KLHL32: variants seen among roughly 807,000 people sequenced by gnomAD.
The protein encoded by KLHL32 is kelch like family member 32, also known as kelch-like protein 32.
In KLHL32, 35 loss-of-function variants were observed where a neutral mutation model predicts 64.8. The observed-to-expected ratio is 0.54, with a 90% CI of 0.41 to 0.72. KLHL32 has a LOEUF of 0.72. KLHL32 is among the 30% of genes least tolerant of loss of function. The pLI is 0.00. For missense variants in KLHL32, 589 were observed against 768.5 expected (o/e 0.77, Z 2.76); for synonymous variants, 259 against 281.0 (o/e 0.92, Z 0.78).
chr6:96,944,263 G>T (rs952129374), intron 1 of KLHL32, among the ~76,000 whole-genome samples: 1 of 152,134 alleles, frequency 6.6e-6, no homozygotes, highest in African/African-American at 2.4e-5. Flanking sequence ...AGAATAAAAG[G>T]CACTATCTAA....
At chr6:97,096,492 T>G (rs984386334) in intron 6 of KLHL32, among the ~76,000 whole-genome samples, 3 of 152,262 alleles carry the variant, frequency 2.0e-5, no homozygotes, top group Admixed American at 2.0e-4. Context: ...AGGATGTTAA[T>G]GCCAATAGTT....
intron 3 of KLHL32, among the ~76,000 whole-genome samples, chr6:96,992,422 G>A (rs1037161614): frequency 6.6e-6 from 1 of 152,242 alleles, no homozygotes; most frequent in Admixed American, 6.5e-5. Context: ...TGTCCACTTG[G>A]ATAATCCAGT....
At chr6:97,116,222 G>T (rs1317833289) in intron 7 of KLHL32, among the ~76,000 whole-genome samples, 1 of 152,150 alleles carries the variant, frequency 6.6e-6, no homozygotes, top group Non-Finnish European at 1.5e-5. Flanking sequence ...TTAGAAACAA[G>T]TATGTATGTT....
At chr6:97,121,924 C>G (rs1169404740) in intron 7 of KLHL32, among the ~76,000 whole-genome samples, 2 of 152,160 alleles carry the variant, frequency 1.3e-5, no homozygotes, top group Admixed American at 6.5e-5. Flanking sequence ...CACAGCAAAG[C>G]TGGGACATGA....
At chr6:97,046,818 C>T (rs1766516) in intron 4 of KLHL32, among the ~76,000 whole-genome samples, 38,665 of 152,042 alleles carry the variant, frequency 0.25, 6,297 homozygotes, top group African/African-American at 0.45. Flanking sequence ...AGTTTCTTAA[C>T]TGTTATTTAG....
At chr6:96,898,600 G>A in the KLHL32 span, among the ~76,000 whole-genome samples, 1 of 151,806 alleles carries the variant, frequency 6.6e-6, no homozygotes, top group Non-Finnish European at 1.5e-5. Flanking sequence ...TAAATGCTGA[G>A]TCATTCCCTC....
At chr6:96,913,855 A>G in the KLHL32 span, among the ~76,000 whole-genome samples, 6 of 152,300 alleles carry the variant, frequency 3.9e-5, no homozygotes, top group African/African-American at 1.2e-4. Context: ...GCAGATGTCC[A>G]TGTGCTAATT....
chr6:97,108,590 A>G (rs1040795566), intron 6 of KLHL32, among the ~76,000 whole-genome samples: 2 of 152,182 alleles, frequency 1.3e-5, no homozygotes, highest in African/African-American at 4.8e-5. Context: ...GCCATTTTTT[A>G]ATTATTTATT....
At chr6:97,095,117 C>A (rs778279964) in intron 6 of KLHL32, among the ~76,000 whole-genome samples, 1 of 152,154 alleles carries the variant, frequency 6.6e-6, no homozygotes, top group Non-Finnish European at 1.5e-5. Flanking sequence ...GTCAGCCAAT[C>A]ACAATGGAAA....
rs1209149328 is a variant in KLHL32, at chr6:96,946,144, T to G, written c.-65-20852T>G. Among the ~76,000 whole-genome samples the G allele has an allele frequency of 4.6e-5, 7 of 152,212 alleles. No individual in the cohort carries two copies. In the East Asian group the frequency reaches 1.2e-3, roughly 25 times the overall value. ...AAGTATCAACAGGATTAGTAAGCTT[T>G]TAGATATTCAAAATATGAGTTTATT... On this transcript the variant is annotated intron_variant, in intron 1 of 10. Coordinates refer to ENST00000369261, the MANE Select transcript of KLHL32 (RefSeq NM_052904.4).
At chr6:96,988,746 C>G (rs1162459216) in intron 3 of KLHL32, among the ~76,000 whole-genome samples, 1 of 152,214 alleles carries the variant, frequency 6.6e-6, no homozygotes, top group East Asian at 1.9e-4. Context: ...AAATGTGGCA[C>G]ATATACACCA....
intron 7 of KLHL32, among the ~76,000 whole-genome samples, chr6:97,124,866 C>T (rs1172219131): frequency 6.6e-6 from 1 of 152,136 alleles, no homozygotes. Context: ...AATTATTGAA[C>T]ATTCTGTTTT....
intron 1 of KLHL32, among the ~76,000 whole-genome samples, chr6:96,958,163 C>T (rs1773474035): frequency 6.6e-6 from 1 of 152,112 alleles, no homozygotes; most frequent in East Asian, 1.9e-4. Context: ...ATAACCATTC[C>T]AGAATGAATG....
intron 10 of KLHL32, among the ~76,000 whole-genome samples, chr6:97,137,191 A>G (rs73488415): frequency 1.4e-3 from 206 of 152,334 alleles, no homozygotes; most frequent in African/African-American, 4.8e-3. Context: ...CTAATCTTGA[A>G]AGATTCTCTA....
chr6:97,107,163 G>C (rs1450128659), intron 6 of KLHL32, among the ~76,000 whole-genome samples: 3 of 151,794 alleles, frequency 2.0e-5, no homozygotes, highest in Non-Finnish European at 4.4e-5. Flanking sequence ...CGTGGTGGCA[G>C]GTGCCTGTAG....
chr6:97,031,369 T>G (rs2128115916), intron 3 of KLHL32, among the ~76,000 whole-genome samples: 1 of 152,034 alleles, frequency 6.6e-6, no homozygotes, highest in South Asian at 2.1e-4. Context: ...AGAGTCTCAC[T>G]CTTTTGCCCA....
intron 3 of KLHL32, among the ~76,000 whole-genome samples, chr6:97,035,765 C>G (rs1245442111): frequency 6.6e-6 from 1 of 152,066 alleles, no homozygotes; most frequent in Admixed American, 6.5e-5. Context: ...TCAAAATTCT[C>G]TGTCTTTAAC....
At chr6:96,958,014 G>C (rs1043716451) in intron 1 of KLHL32, among the ~76,000 whole-genome samples, 2 of 152,168 alleles carry the variant, frequency 1.3e-5, no homozygotes, top group African/African-American at 4.8e-5. Context: ...AGTCCATGAG[G>C]ATTTAAAACA....
At chr6:96,979,205 CAT>C (rs1241983129) in intron 3 of KLHL32, among the ~76,000 whole-genome samples, 1 of 152,028 alleles carries the variant, frequency 6.6e-6, no homozygotes, top group Non-Finnish European at 1.5e-5. Context: ...TTTGTCATGA[CAT>C]ATTTGTCAGG....
Sources: gnomAD v4.1 joint callset for allele counts (sites outside exome capture counted in the v4.1 genomes callset) on GRCh38, gnomAD v4.1.1 for gene constraint, MANE v1.5 for transcripts, NCBI Gene and HGNC (gene_info 2026-07-23, HGNC 2026-07-21) for gene names.